ARPP21: variants seen among roughly 807,000 people sequenced by gnomAD.
The protein encoded by ARPP21 is cAMP-regulated phosphoprotein 21.
In ARPP21, 69 loss-of-function variants were observed where a neutral mutation model predicts 113.2. The ratio of observed to expected loss-of-function variants is 0.61; its 90% CI spans 0.50 to 0.74. ARPP21 has a LOEUF of 0.74. ARPP21 is among the 30% of genes least tolerant of loss of function. The pLI is 0.00. For synonymous variants in ARPP21, 368 were observed against 375.5 expected (o/e 0.98, Z 0.23); for missense variants, 1,070 against 1,037.4 (o/e 1.03, Z -0.43).
chr3:35,720,287 T>A (rs1240005484), intron 13 of ARPP21, among the ~76,000 whole-genome samples: 2 of 152,220 alleles, frequency 1.3e-5, no homozygotes, highest in African/African-American at 2.4e-5. Flanking sequence ...ATCAGTTATT[T>A]CATTTTTATT....
At chr3:35,734,560 T>C (rs1235141474) in intron 15 of ARPP21, among the ~76,000 whole-genome samples, 1 of 152,234 alleles carries the variant, frequency 6.6e-6, no homozygotes, top group Admixed American at 6.5e-5. Context: ...TTGTTGGTTA[T>C]GAAACAGATC....
chr3:35,763,691 A>C (rs933168152), intron 19 of ARPP21, among the ~76,000 whole-genome samples: 1 of 152,172 alleles, frequency 6.6e-6, no homozygotes. Context: ...CTTTGAAGGC[A>C]TAACTGACTT....
intron 11 of ARPP21, 104 bp downstream of exon 11, chr3:35,709,174 C>A: frequency 1.3e-6 from 1 of 767,698 alleles, no homozygotes; most frequent in Non-Finnish European, 2.1e-6. Flanking sequence ...AAGGCTGGAG[C>A]CAGAGAACAA....
intron 13 of ARPP21, 99 bp from the exon 14 acceptor site, chr3:35,721,506 G>T: frequency 1.4e-6 from 1 of 701,806 alleles, no homozygotes; most frequent in Non-Finnish European, 2.5e-6. Flanking sequence ...AGGGTCTTGT[G>T]TGGATCACCT....
At chr3:35,763,080 A>G (rs547487040) in intron 19 of ARPP21, among the ~76,000 whole-genome samples, 1 of 152,268 alleles carries the variant, frequency 6.6e-6, no homozygotes, top group Non-Finnish European at 1.5e-5. Context: ...AGACAGTTAA[A>G]CATGGGGAAC....
chr3:35,762,345 G>C (rs999919989), intron 19 of ARPP21, among the ~76,000 whole-genome samples: 3 of 152,018 alleles, frequency 2.0e-5, no homozygotes, highest in Non-Finnish European at 4.4e-5. Context: ...TAATATCAGA[G>C]AAGTGCTGAT....
At chr3:35,744,721 G>C (rs541449184) in intron 19 of ARPP21, among the ~76,000 whole-genome samples, 4 of 152,280 alleles carry the variant, frequency 2.6e-5, no homozygotes, top group African/African-American at 9.6e-5. Flanking sequence ...TCTGCCTTCT[G>C]TAAGTAGGTC....
intron 1 of ARPP21, among the ~76,000 whole-genome samples, chr3:35,656,232 T>C (rs1436130411): frequency 6.6e-6 from 1 of 152,074 alleles, no homozygotes; most frequent in Non-Finnish European, 1.5e-5. Flanking sequence ...GTTTCCAGTG[T>C]AGGATTACAA....
chr3:35,730,505 T>A (rs1390025698), intron 15 of ARPP21, among the ~76,000 whole-genome samples: 1 of 152,200 alleles, frequency 6.6e-6, no homozygotes, highest in African/African-American at 2.4e-5. Flanking sequence ...AACAAAATGT[T>A]GGTGGTACCA....
intron 5 of ARPP21, chr3:35,685,920 C>T (rs1419438088): frequency 9.5e-6 from 4 of 422,660 alleles, no homozygotes; most frequent in African/African-American, 4.3e-5. Flanking sequence ...CTTTCAACAC[C>T]GTAATATATA....
intron 17 of ARPP21, among the ~76,000 whole-genome samples, chr3:35,739,093 A>G (rs1282242442): frequency 6.6e-6 from 1 of 152,178 alleles, no homozygotes; most frequent in Non-Finnish European, 1.5e-5. Context: ...TTTGGATCAA[A>G]ATTTTTGTCA....
chr3:35,667,234 A>G (rs999184341), intron 1 of ARPP21, among the ~76,000 whole-genome samples: 1 of 152,198 alleles, frequency 6.6e-6, no homozygotes, highest in Non-Finnish European at 1.5e-5. Flanking sequence ...GATACTATTT[A>G]TATTAACATT....
chr3:35,776,037 C>G (rs191856548), intron 19 of ARPP21, among the ~76,000 whole-genome samples: 2 of 152,188 alleles, frequency 1.3e-5, no homozygotes, highest in East Asian at 3.9e-4. Context: ...TCTTCAGTCC[C>G]TAAAGCCCAA....
chr3:35,741,017 G>A (rs749009542), intron 18 of ARPP21, among the ~76,000 whole-genome samples: 11 of 151,966 alleles, frequency 7.2e-5, no homozygotes, highest in African/African-American at 2.7e-4. Context: ...TGGGAGAATC[G>A]CTTGAGCCTG....
chr3:35,673,532 T>C (rs752659429), intron 1 of ARPP21, among the ~76,000 whole-genome samples: 2 of 152,018 alleles, frequency 1.3e-5, no homozygotes, highest in Admixed American at 6.6e-5. Context: ...GAAATAGTCA[T>C]TTATGGTAGC....
At chr3:35,649,025 C>T (rs768890785) in intron 1 of ARPP21, among the ~76,000 whole-genome samples, 2 of 152,140 alleles carry the variant, frequency 1.3e-5, no homozygotes, top group Admixed American at 6.5e-5. Context: ...AACTAACTTA[C>T]GTTAAATACA....
intron 12 of ARPP21, 154 bp downstream of exon 12, chr3:35,715,630 A>C (rs2150173158): frequency 1.9e-6 from 1 of 514,140 alleles, no homozygotes; most frequent in Middle Eastern, 5.2e-4. Flanking sequence ...TATGTTATTT[A>C]ACACATCTAC....
chr3:35,647,778 A>G (rs1436613299), intron 1 of ARPP21, among the ~76,000 whole-genome samples: 2 of 152,164 alleles, frequency 1.3e-5, no homozygotes, highest in Admixed American at 6.5e-5. Context: ...AAAGTTGTAT[A>G]GTAACACTGG....
At chr3:35,755,955 G>A (rs769011591) in intron 19 of ARPP21, among the ~76,000 whole-genome samples, 5 of 152,048 alleles carry the variant, frequency 3.3e-5, no homozygotes, top group Non-Finnish European at 7.4e-5. Context: ...TCAGAAGTAA[G>A]TACCCCTGAA....
Sources: allele counts gnomAD v4.1 joint callset (sites outside exome capture counted in the v4.1 genomes callset), GRCh38; gene constraint gnomAD v4.1.1; transcripts MANE v1.5; gene names NCBI Gene and HGNC (gene_info 2026-07-23, HGNC 2026-07-21).